Variants in RGS5 observed in about 807,000 individuals in gnomAD.
RGS5 encodes regulator of G protein signaling 5, also known as regulator of G-protein signalling 5.
In RGS5, 20 loss-of-function variants were observed where a neutral mutation model predicts 18.9. The ratio of observed to expected loss-of-function variants is 1.06; its 90% CI spans 0.74 to 1.54. The LOEUF (loss-of-function observed/expected upper bound fraction) is 1.54, where lower values mean the gene tolerates loss of function less well. Ranked by LOEUF, RGS5 falls within the 40% of genes most tolerant of loss-of-function variation. RGS5 has a pLI of 0.00. For missense variants in RGS5, 201 were observed against 211.8 expected (o/e 0.95, Z 0.32); for synonymous variants, 57 against 76.2 (o/e 0.75, Z 1.31).
chr1:163,172,644 C>A, intron 1 of RGS5: 1 of 1,544,618 alleles, frequency 6.5e-7, no homozygotes, highest in Non-Finnish European at 8.7e-7. Context: ...ACACTTCTTT[C>A]TATGGCTTCA....
chr1:163,237,666 C>CA (rs1202658475), intron 2 of RGS5: 2 of 151,858 alleles, frequency 1.3e-5, no homozygotes, highest in Non-Finnish European at 2.9e-5. Context: ...GCCTGGGTGA[C>CA]AGAGACCCTG....
At chr1:163,215,246 C>T (rs1263518709) in intron 1 of RGS5, among the ~76,000 whole-genome samples, 1 of 152,122 alleles carries the variant, frequency 6.6e-6, no homozygotes, top group Non-Finnish European at 1.5e-5. Flanking sequence ...TGAGAGGCTG[C>T]ATAGTATAAT....
At chr1:163,292,850 AC>A (rs1471118175) in intron 2 of RGS5, among the ~76,000 whole-genome samples, 2 of 131,762 alleles carry the variant, frequency 1.5e-5, no homozygotes, top group Non-Finnish European at 3.5e-5. Context: ...TCCTTTGCTC[AC>A]TTTTTAATGG....
intron 1 of RGS5, among the ~76,000 whole-genome samples, chr1:163,200,829 T>TTA (rs1659746607): frequency 6.6e-6 from 1 of 152,166 alleles, no homozygotes; most frequent in Non-Finnish European, 1.5e-5. Flanking sequence ...TGAACATTAG[T>TTA]TATATCCTGG....
chr1:163,147,270 AGATTAATGGGAAAT>A lies in RGS5; in HGVS notation c.*58_*71del. The stretch of plus-strand genomic sequence containing the variant: ...GCAAAGCTGCTGTGGGAAGATATGT[AGATTAATGGGAAAT>A]GCAGGGTTATTATGGAGGAAATAAC... On this transcript the variant is annotated 3_prime_UTR_variant, in exon 5 of 5. Coordinates refer to ENST00000313961, the MANE Select transcript of RGS5 (RefSeq NM_003617.4). 1 of 1,457,130 alleles carries A rather than the reference AGATTAATGGGAAAT, an allele frequency of 6.9e-7. No homozygotes were observed. The highest frequency in any genetic ancestry group is 9.2e-7 in the Non-Finnish European group (1 of 1,086,168). 90.3% of individuals were successfully genotyped at this position (1,457,130 alleles called of 1,614,324 possible).
intron 1 of RGS5, among the ~76,000 whole-genome samples, chr1:163,321,112 TAA>T (rs1571364718): frequency 6.6e-6 from 1 of 152,088 alleles, no homozygotes; most frequent in Non-Finnish European, 1.5e-5. Context: ...AAATACCATG[TAA>T]AAAAATACAG....
chr1:163,148,776 G>A (rs891999636), intron 4 of RGS5, among the ~76,000 whole-genome samples: 10 of 152,172 alleles, frequency 6.6e-5, no homozygotes, highest in African/African-American at 2.4e-4. Flanking sequence ...GAACTTGGCT[G>A]ACTATGAGTT....
chr1:163,304,110 T>C (rs1340564051), intron 2 of RGS5: 1 of 152,242 alleles, frequency 6.6e-6, no homozygotes, highest in African/African-American at 2.4e-5. Context: ...AGTCAGTGAC[T>C]GTCCTATCTG....
chr1:163,156,316 C>G (rs12072070), intron 3 of RGS5, among the ~76,000 whole-genome samples: 1 of 151,736 alleles, frequency 6.6e-6, no homozygotes, highest in Admixed American at 6.6e-5. Flanking sequence ...TTACATGGTA[C>G]CTGACATAAT....
At chr1:163,208,999 A>G (rs1660035261) in intron 1 of RGS5, among the ~76,000 whole-genome samples, 1 of 152,180 alleles carries the variant, frequency 6.6e-6, no homozygotes, top group African/African-American at 2.4e-5. Context: ...CTTCTCAAAT[A>G]CCTATGAAAT....
intron 2 of RGS5, among the ~76,000 whole-genome samples, chr1:163,303,133 T>C (rs1053141814): frequency 2.0e-5 from 3 of 152,236 alleles, no homozygotes; most frequent in African/African-American, 4.8e-5. Flanking sequence ...TTTTTAAGTA[T>C]ATTTGGATAC....
chr1:163,168,838 T>C (rs1658171997), intron 1 of RGS5, among the ~76,000 whole-genome samples: 1 of 152,134 alleles, frequency 6.6e-6, no homozygotes, highest in African/African-American at 2.4e-5. Flanking sequence ...GTTAGATATA[T>C]GACATTTGGA....
intron 2 of RGS5, among the ~76,000 whole-genome samples, chr1:163,283,870 G>C (rs534634254): frequency 6.6e-6 from 1 of 152,158 alleles, no homozygotes; most frequent in East Asian, 1.9e-4. Flanking sequence ...GAGTGTATTT[G>C]GAGGTATTCT....
chr1:163,222,712 A>T (rs1404641549), intron 2 of RGS5, among the ~76,000 whole-genome samples: 2 of 152,180 alleles, frequency 1.3e-5, no homozygotes, highest in African/African-American at 2.4e-5. Flanking sequence ...AAGGACTTGG[A>T]CTGTGAACTG....
At chr1:163,285,794 T>C (rs1557931094) in intron 2 of RGS5, among the ~76,000 whole-genome samples, 1 of 151,880 alleles carries the variant, frequency 6.6e-6, no homozygotes, top group Non-Finnish European at 1.5e-5. Context: ...TCTCTCTCTC[T>C]CCTGCTCAGG....
At chr1:163,151,946 C>G (rs1234549411) in intron 4 of RGS5, among the ~76,000 whole-genome samples, 1 of 152,012 alleles carries the variant, frequency 6.6e-6, no homozygotes, top group Non-Finnish European at 1.5e-5. Flanking sequence ...AGTCTAAACA[C>G]AAAGTTCATT....
intron 2 of RGS5, among the ~76,000 whole-genome samples, chr1:163,268,515 A>G (rs1234693814): frequency 6.6e-6 from 1 of 152,018 alleles, no homozygotes; most frequent in Non-Finnish European, 1.5e-5. Context: ...AGAGAAAGCA[A>G]ACTCCCCAGC....
chr1:163,223,951 A>T (rs1241993187), intron 2 of RGS5, among the ~76,000 whole-genome samples: 4 of 152,106 alleles, frequency 2.6e-5, no homozygotes, highest in African/African-American at 9.7e-5. Context: ...ATAATCGTAC[A>T]TATTTATATG....
intron 2 of RGS5, among the ~76,000 whole-genome samples, chr1:163,244,328 C>G (rs1647874281): frequency 6.6e-6 from 1 of 152,192 alleles, no homozygotes; most frequent in Admixed American, 6.5e-5. Flanking sequence ...TGAGTAAACA[C>G]TTTCCATCTC....
Sources: allele counts gnomAD v4.1 joint callset (sites outside exome capture counted in the v4.1 genomes callset), GRCh38; gene constraint gnomAD v4.1.1; transcripts MANE v1.5; gene names NCBI Gene and HGNC (gene_info 2026-07-23, HGNC 2026-07-21).